RARB: variants seen among roughly 807,000 people sequenced by gnomAD.
RARB encodes the protein HBV-activated protein.
In RARB, 17 loss-of-function variants were observed where a neutral mutation model predicts 51.9. That is an observed-to-expected ratio of 0.33 (90% CI 0.22 to 0.49). The LOEUF is 0.49. Among genes scored for constraint, RARB ranks in the 20% least tolerant of loss-of-function variants. The pLI is 0.99. For synonymous variants in RARB, 215 were observed against 195.4 expected (o/e 1.10, Z -0.84); for missense variants, 369 against 550.8 (o/e 0.67, Z 3.30).
chr3:25,291,804 C>T (rs1484061992), intron 5 of RARB, among the ~76,000 whole-genome samples: 1 of 152,014 alleles, frequency 6.6e-6, no homozygotes, highest in African/African-American at 2.4e-5. Context: ...TAATTTATTA[C>T]CCTTTAAAGA....
intron 3 of RARB, among the ~76,000 whole-genome samples, chr3:25,100,417 T>A (rs1699377493): frequency 6.6e-6 from 1 of 152,124 alleles, no homozygotes; most frequent in African/African-American, 2.4e-5. Flanking sequence ...ATTTGAAGGC[T>A]AGGGTGTGCT....
chr3:25,414,295 A>G (rs1707644684), intron 5 of RARB, among the ~76,000 whole-genome samples: 1 of 152,200 alleles, frequency 6.6e-6, no homozygotes, highest in Non-Finnish European at 1.5e-5. Flanking sequence ...GTATGGATAT[A>G]CCACAATTTG....
chr3:25,302,778 T>G (rs1269975341), intron 5 of RARB, among the ~76,000 whole-genome samples: 1 of 152,216 alleles, frequency 6.6e-6, no homozygotes, highest in Admixed American at 6.5e-5. Context: ...TCTCAAGCCA[T>G]TTTTTAAAAA....
intron 5 of RARB, among the ~76,000 whole-genome samples, chr3:25,206,231 C>T (rs892580379): frequency 3.3e-5 from 5 of 152,116 alleles, no homozygotes; most frequent in African/African-American, 9.7e-5. Context: ...TTCTGGTTGC[C>T]CATGCAGTTT....
intron 5 of RARB, among the ~76,000 whole-genome samples, chr3:25,422,046 T>C (rs1379530503): frequency 6.6e-6 from 1 of 152,208 alleles, no homozygotes; most frequent in Non-Finnish European, 1.5e-5. Flanking sequence ...GTTGCACCCT[T>C]GAAATATGGT....
chr3:25,549,817 G>T (rs1471966092), intron 3 of RARB, among the ~76,000 whole-genome samples: 1 of 151,568 alleles, frequency 6.6e-6, no homozygotes, highest in Non-Finnish European at 1.5e-5. Context: ...TTCTTTCATG[G>T]TCATGGCAAC....
chr3:25,006,714 T>C (rs974382536), intron 2 of RARB, among the ~76,000 whole-genome samples: 2 of 152,092 alleles, frequency 1.3e-5, no homozygotes, highest in African/African-American at 2.4e-5. Flanking sequence ...AGGTAAAAAA[T>C]AGATTTTGAA....
chr3:25,316,097 C>G (rs983453670), intron 5 of RARB, among the ~76,000 whole-genome samples: 1 of 152,034 alleles, frequency 6.6e-6, no homozygotes, highest in African/African-American at 2.4e-5. Context: ...TAAATTTGGC[C>G]TAAAGATTTT....
intron 5 of RARB, among the ~76,000 whole-genome samples, chr3:25,406,885 C>G (rs1176161433): frequency 6.6e-6 from 1 of 152,156 alleles, no homozygotes; most frequent in East Asian, 1.9e-4. Flanking sequence ...TCATTCATAC[C>G]AAAGCATCTT....
chr3:25,501,027 C>G (rs913663413), intron 2 of RARB, among the ~76,000 whole-genome samples, 155 bp from the exon 3 acceptor site: 2 of 152,066 alleles, frequency 1.3e-5, no homozygotes, highest in East Asian at 3.9e-4. Flanking sequence ...CTATTGATAT[C>G]TCACGAGGAT....
intron 3 of RARB, among the ~76,000 whole-genome samples, chr3:25,107,823 C>A (rs1051112359): frequency 6.6e-6 from 1 of 152,138 alleles, no homozygotes; most frequent in African/African-American, 2.4e-5. Flanking sequence ...CTCACAATTT[C>A]GTGGATAAAA....
At chr3:25,141,269 C>A (rs1009716574) in intron 4 of RARB, among the ~76,000 whole-genome samples, 2 of 152,010 alleles carry the variant, frequency 1.3e-5, no homozygotes, top group Non-Finnish European at 1.5e-5. Context: ...TTGACACTGA[C>A]AAACATACAT....
chr3:25,210,955 G>A (rs967490348), intron 5 of RARB, among the ~76,000 whole-genome samples: 17 of 151,954 alleles, frequency 1.1e-4, no homozygotes, highest in Admixed American at 2.0e-4. Context: ...ACACTTATTT[G>A]CGATGTGACT....
intron 3 of RARB, among the ~76,000 whole-genome samples, chr3:25,546,312 G>A (rs934335272): frequency 1.3e-5 from 2 of 152,200 alleles, no homozygotes; most frequent in East Asian, 1.9e-4. Context: ...GCCACACTGG[G>A]GTGAATAGCA....
intron 5 of RARB, among the ~76,000 whole-genome samples, chr3:25,592,814 C>T (rs543767099): frequency 6.6e-6 from 1 of 152,284 alleles, no homozygotes; most frequent in Admixed American, 6.5e-5. Flanking sequence ...TTCCTCCTGG[C>T]TATTTCTGAG....
chr3:24,951,483 A>C (rs905536541), intron 2 of RARB, among the ~76,000 whole-genome samples: 2 of 152,176 alleles, frequency 1.3e-5, no homozygotes, highest in African/African-American at 4.8e-5. Flanking sequence ...ATCTGTGAGA[A>C]TTACATGACT....
chr3:25,245,188 C>T (rs1440971685), intron 5 of RARB, among the ~76,000 whole-genome samples: 2 of 152,102 alleles, frequency 1.3e-5, no homozygotes, highest in Non-Finnish European at 2.9e-5. Context: ...TATTTTGAGT[C>T]TATGAGTATC....
intron 4 of RARB, among the ~76,000 whole-genome samples, chr3:25,570,359 A>G (rs1700661807): frequency 6.6e-6 from 1 of 152,090 alleles, no homozygotes; most frequent in Non-Finnish European, 1.5e-5. Flanking sequence ...ATCTTTTAAA[A>G]ACCCCAATCC....
intron 1 of RARB, among the ~76,000 whole-genome samples, chr3:24,851,425 C>T (rs1230258971): frequency 7.1e-6 from 1 of 141,806 alleles, no homozygotes; most frequent in Admixed American, 7.1e-5. Context: ...GAGACTTTGT[C>T]TCAAAAAAAA....
Sources: allele counts gnomAD v4.1 joint callset (sites outside exome capture counted in the v4.1 genomes callset), GRCh38; gene constraint gnomAD v4.1.1; transcripts MANE v1.5; gene names NCBI Gene and HGNC (gene_info 2026-07-23, HGNC 2026-07-21).